TTL: variants seen among roughly 807,000 people sequenced by gnomAD.
TTL encodes the protein tubulin tyrosine ligase.
TTL carries 10 observed loss-of-function variants against 41.1 expected under a neutral mutation model. That is an observed-to-expected ratio of 0.24 (90% CI 0.15 to 0.41). The LOEUF is 0.41. Ranked by LOEUF, TTL falls within the 10% of genes least tolerant of loss-of-function variation. TTL has a pLI of 1.00. For missense variants in TTL, 367 were observed against 460.4 expected, an observed-to-expected ratio of 0.80 and a Z score of 1.86; for synonymous variants, 175 against 175.5, an observed-to-expected ratio of 1.00 and a Z score of 0.02.
intron 3 of TTL, among the ~76,000 whole-genome samples, chr2:112,500,398 C>T (rs1681657366): frequency 6.6e-6 from 1 of 152,004 alleles, no homozygotes; most frequent in African/African-American, 2.4e-5. Context: ...TGGTGAAACC[C>T]CATATGTACT....
chr2:112,523,409 C>A (rs1037666959), intron 6 of TTL, among the ~76,000 whole-genome samples: 2 of 151,640 alleles, frequency 1.3e-5, no homozygotes, highest in African/African-American at 4.8e-5. Context: ...CCCTGTCATC[C>A]ATTCTCTGTC....
rs1167638131 is a variant in TTL at position 112,531,956 on chromosome 2, C to T, written c.*3161C>T. On this transcript the variant is annotated 3_prime_UTR_variant, in exon 7 of 7. Coordinates refer to ENST00000233336, the MANE Select transcript of TTL (RefSeq NM_153712.5). ...AGTCCCTTTCCCCAAAACTCAACTC[C>T]TATGGCAATTATGAACTCCATTTTA... 1 of 225,826 alleles carries T rather than the reference C, an allele frequency of 4.4e-6. No homozygotes were observed. Among genetic ancestry groups the T allele is most frequent in the Non-Finnish European group, 8.8e-6 (1 of 113,666 alleles). The allele number at this position is 225,826 out of a possible 1,614,324, so 14.0% of individuals were successfully genotyped here. A position where few individuals can be genotyped will look rare whatever the true frequency, so the allele number is the denominator to read the frequency against.
At chr2:112,516,103 T>C (rs1389768840) in intron 5 of TTL, among the ~76,000 whole-genome samples, 3 of 152,258 alleles carry the variant, frequency 2.0e-5, no homozygotes, top group Admixed American at 2.0e-4. Context: ...TCCTGTTTTA[T>C]GTTCAGCTTT....
At chr2:112,523,767 C>G (rs1033207548) in intron 6 of TTL, among the ~76,000 whole-genome samples, 2 of 5,318 alleles carry the variant, frequency 3.8e-4, no homozygotes, top group African/African-American at 7.2e-4. Context: ...ACAGTGGCAA[C>G]CAGTTTTTTT....
intron 3 of TTL, among the ~76,000 whole-genome samples, chr2:112,495,833 CCTT>C (rs1681508971): frequency 6.7e-6 from 1 of 150,072 alleles, no homozygotes; most frequent in African/African-American, 2.4e-5. Flanking sequence ...GAACAAGACT[CCTT>C]CTCAAAAATT....
intron 6 of TTL, among the ~76,000 whole-genome samples, chr2:112,528,345 A>G (rs1682415442): frequency 6.6e-6 from 1 of 152,218 alleles, no homozygotes; most frequent in Non-Finnish European, 1.5e-5. Context: ...CACGCCTGTA[A>G]TCTCAGCACT....
chr2:112,516,088 A>G (rs1020373156), intron 5 of TTL, among the ~76,000 whole-genome samples: 8 of 152,134 alleles, frequency 5.3e-5, no homozygotes, highest in African/African-American at 1.4e-4. Context: ...GAATTATACC[A>G]TATTTCCTGT....
At chr2:112,487,689 G>GC (rs1293929722) in intron 2 of TTL, among the ~76,000 whole-genome samples, 1 of 152,164 alleles carries the variant, frequency 6.6e-6, no homozygotes, top group African/African-American at 2.4e-5. Context: ...CCTGCCCCTT[G>GC]CCCCTCGGAG....
chr2:112,536,412 T>G lies in TTL; in HGVS notation c.*7617T>G, dbSNP rs1039826425. ...TTCAAAAACACAAACAGGTTGAAAG[T>G]AAAATGATGGAAAAAGATATACCAT... On this transcript the variant is annotated 3_prime_UTR_variant, in exon 7 of 7. Coordinates refer to ENST00000233336, the MANE Select transcript of TTL (RefSeq NM_153712.5). 4 of 152,004 alleles carry G rather than the reference T, an allele frequency of 2.6e-5. No homozygotes were observed. The highest frequency in any genetic ancestry group is 9.7e-5 in the African/African-American group (4 of 41,354). The allele number at this position is 152,004 out of a possible 1,614,324, so 9.4% of individuals were successfully genotyped here.
intron 5 of TTL, among the ~76,000 whole-genome samples, chr2:112,515,138 A>T (rs2104468476): frequency 6.6e-6 from 1 of 152,300 alleles, no homozygotes; most frequent in East Asian, 1.9e-4. Flanking sequence ...TTTCTTGAAG[A>T]TAATGGCAAT....
chr2:112,491,932 G>A (rs187095177), intron 2 of TTL, among the ~76,000 whole-genome samples: 67 of 151,916 alleles, frequency 4.4e-4, no homozygotes, highest in African/African-American at 1.4e-3. Flanking sequence ...TCAATTCCAC[G>A]TCAGTAGTAT....
chr2:112,510,558 A>G (rs2104464465), intron 5 of TTL, among the ~76,000 whole-genome samples: 1 of 151,682 alleles, frequency 6.6e-6, no homozygotes, highest in South Asian at 2.1e-4. Flanking sequence ...TGCAACCTCC[A>G]TCTCCTGGGT....
intron 1 of TTL, 141 bp from the exon 2 acceptor site, chr2:112,485,776 A>G (rs1391321862): frequency 3.9e-6 from 3 of 760,464 alleles, no homozygotes; most frequent in Non-Finnish European, 6.6e-6. Context: ...CCCTGGGGAC[A>G]GAGAAACAAA....
At position 112,531,136 on chromosome 2, in the gene TTL, A is replaced by G. The variant is rs995969435; in HGVS notation, c.*2341A>G. Reference sequence around the variant, plus strand: ...CTGAGACTACAGGTGCACACCACCAAGCCTGGCTTTATGTATTTATTTCTG... The same window carrying G: ...CTGAGACTACAGGTGCACACCACCAGGCCTGGCTTTATGTATTTATTTCTG... On this transcript the variant is annotated 3_prime_UTR_variant, in exon 7 of 7. Coordinates refer to ENST00000233336, the MANE Select transcript of TTL (RefSeq NM_153712.5). 4.7e-6 allele frequency: 1 copy of G among 210,528 alleles called. No individual in the cohort carries two copies. Among genetic ancestry groups the G allele is most frequent in the African/African-American group, 2.3e-5 (1 of 43,996 alleles). 13.0% of individuals were successfully genotyped at this position (210,528 alleles called of 1,614,324 possible). A position where few individuals can be genotyped will look rare whatever the true frequency, so the allele number is the denominator to read the frequency against.
In TTL at chr2:112,537,487, C is replaced by T. The variant is rs537396906; in HGVS notation, c.*8692C>T. 6.6e-6 allele frequency: 1 copy of T among 152,290 alleles called. No homozygotes were observed. The highest frequency in any genetic ancestry group is 2.4e-5 in the African/African-American group (1 of 41,568). The allele number at this position is 152,290 out of a possible 1,614,324, so 9.4% of individuals were successfully genotyped here. A position where few individuals can be genotyped will look rare whatever the true frequency, so the allele number is the denominator to read the frequency against. ...TAAGCATTCTCTTTTTTTCCTTAGC[C>T]TCTTCAGCATCTGTTATTTTTTGAC... On this transcript the variant is annotated 3_prime_UTR_variant, in exon 7 of 7. Transcript: ENST00000233336.
chr2:112,521,723 G>A lies in TTL; in HGVS notation c.1019+1298G>A, dbSNP rs1324526557. On this transcript the variant is annotated intron_variant, in intron 6 of 6. Transcript: ENST00000233336. ...ATGGGTTCACAGTGGGGAGCAAAGA[G>A]AGACACAGGCCCTACCTTTCGTGGG... Among the ~76,000 whole-genome samples the A allele has an allele frequency of 1.3e-5, 2 of 152,226 alleles. 1 individual carries two copies. The highest frequency in any genetic ancestry group is 2.9e-5 in the Non-Finnish European group (2 of 68,040).
rs1044433207 is a variant in TTL, at chr2:112,538,158, C to G, written c.*9363C>G. ...CTTCCCACAGGGAAAAGCCCAGGACCAGATTGTAAGCCAGATGGTAAGGAA... is the reference window on the plus strand; with the variant it reads ...CTTCCCACAGGGAAAAGCCCAGGACGAGATTGTAAGCCAGATGGTAAGGAA... On this transcript the variant is annotated 3_prime_UTR_variant, in exon 7 of 7. Transcript: ENST00000233336. 1.3e-5 allele frequency: 2 copies of G among 152,126 alleles called. No individual in the cohort carries two copies. Among genetic ancestry groups the G allele is most frequent in the African/African-American group, 4.8e-5 (2 of 41,416 alleles). The allele number at this position is 152,126 out of a possible 1,614,324, so 9.4% of individuals were successfully genotyped here.
chr2:112,535,272 A>T lies in TTL; in HGVS notation c.*6477A>T, dbSNP rs1682578830. 1 of 152,288 alleles carries T rather than the reference A, an allele frequency of 6.6e-6. No individual in the cohort carries two copies. Among genetic ancestry groups the T allele is most frequent in the Admixed American group, 6.5e-5 (1 of 15,286 alleles). The allele number at this position is 152,288 out of a possible 1,614,324, so 9.4% of individuals were successfully genotyped here. ...GTCTGTGGAACAGAAAAAAAAAATC[A>T]GCAAAGAAAAATGATCAGTGCTTCA... On this transcript the variant is annotated 3_prime_UTR_variant, in exon 7 of 7. Coordinates refer to ENST00000233336, the MANE Select transcript of TTL (RefSeq NM_153712.5).
chr2:112,525,007 A>G (rs1037824413), intron 6 of TTL, among the ~76,000 whole-genome samples: 3 of 152,206 alleles, frequency 2.0e-5, no homozygotes, highest in South Asian at 2.1e-4. Flanking sequence ...CTTTCTATGT[A>G]TGGCTAGCCA....
Sources: gnomAD v4.1 joint callset for allele counts (sites outside exome capture counted in the v4.1 genomes callset) on GRCh38, gnomAD v4.1.1 for gene constraint, MANE v1.5 for transcripts, NCBI Gene and HGNC (gene_info 2026-07-23, HGNC 2026-07-21) for gene names.